STRBP: variants seen among roughly 807,000 people sequenced by gnomAD.
STRBP encodes spermatid perinuclear RNA-binding protein.
In STRBP, 13 loss-of-function variants were observed where a neutral mutation model predicts 80.1. That is an observed-to-expected ratio of 0.16 (90% CI 0.11 to 0.26). The LOEUF is 0.26. Among genes scored for constraint, STRBP ranks in the 10% least tolerant of loss-of-function variants. The pLI, the probability that STRBP is intolerant of heterozygous loss-of-function variation, is 1.00. For missense variants in STRBP, 485 were observed against 815.2 expected (o/e 0.59, Z 4.93); for synonymous variants, 284 against 291.2 (o/e 0.98, Z 0.25).
intron 4 of STRBP, among the ~76,000 whole-genome samples, chr9:123,176,815 A>G (rs954906094): frequency 5.3e-5 from 8 of 152,228 alleles, no homozygotes; most frequent in East Asian, 1.9e-4. Flanking sequence ...AAGCAACCCA[A>G]TGTATTTGAA....
At chr9:123,258,020 T>TA (rs1162606331) in intron 1 of STRBP, among the ~76,000 whole-genome samples, 1 of 151,742 alleles carries the variant, frequency 6.6e-6, no homozygotes, top group Non-Finnish European at 1.5e-5. Context: ...AAAACAGAAA[T>TA]ACAGCAAAAA....
chr9:123,142,595 G>A (rs2036635715), intron 13 of STRBP, among the ~76,000 whole-genome samples: 1 of 152,220 alleles, frequency 6.6e-6, no homozygotes, highest in East Asian at 1.9e-4. Flanking sequence ...CCTTCATCCT[G>A]ATGTTTCCTC....
At chr9:123,215,985 G>A (rs2039884582) in intron 2 of STRBP, among the ~76,000 whole-genome samples, 2 of 152,236 alleles carry the variant, frequency 1.3e-5, no homozygotes, top group South Asian at 4.1e-4. Flanking sequence ...CTGAAAATTA[G>A]ACTCAACCAT....
chr9:123,185,999 T>C (rs1304442179), intron 2 of STRBP, among the ~76,000 whole-genome samples: 2 of 120,220 alleles, frequency 1.7e-5, no homozygotes, highest in Non-Finnish European at 1.6e-5. Context: ...GCCACTACAC[T>C]CCAGCCTGGG....
At chr9:123,226,838 C>A (rs1373075462) in intron 2 of STRBP, among the ~76,000 whole-genome samples, 2 of 152,052 alleles carry the variant, frequency 1.3e-5, no homozygotes, top group African/African-American at 4.8e-5. Flanking sequence ...TAACAGAATA[C>A]CACAGATTTG....
At chr9:123,244,056 TGA>T (rs2040751238) in intron 1 of STRBP, among the ~76,000 whole-genome samples, 1 of 152,188 alleles carries the variant, frequency 6.6e-6, no homozygotes, top group Non-Finnish European at 1.5e-5. Context: ...AAACAAATTG[TGA>T]TATAATCACA....
chr9:123,146,823 G>C, intron 13 of STRBP, 32 bp downstream of exon 13: 1 of 1,538,074 alleles, frequency 6.5e-7, no homozygotes, highest in African/African-American at 1.4e-5. Flanking sequence ...CATAAAATAA[G>C]AAAGCATTGC....
chr9:123,222,664 A>G (rs2040104040), intron 2 of STRBP, among the ~76,000 whole-genome samples: 1 of 152,196 alleles, frequency 6.6e-6, no homozygotes, highest in African/African-American at 2.4e-5. Flanking sequence ...TTGGAAAGGC[A>G]TACTCTTCCG....
Position 123,122,611 on chromosome 9 carries a change from T to C in STRBP, c.*2986A>G. The C allele has an allele frequency of 9.3e-7, 1 of 1,072,886 alleles. No individual in the cohort carries two copies. The highest frequency in any genetic ancestry group is 1.1e-6 in the Non-Finnish European group (1 of 883,364). The allele number at this position is 1,072,886 out of a possible 1,614,324, so 66.5% of individuals were successfully genotyped here. On this transcript the variant is annotated 3_prime_UTR_variant, in exon 19 of 19. Coordinates refer to ENST00000348403, the MANE Select transcript of STRBP (RefSeq NM_018387.5). ...GTCAGCATGAGGTATGTTGGAAATC[T>C]ACTGGACCAATTACCTTGCACAAGA...
At chr9:123,133,072 G>A (rs993882300) in intron 16 of STRBP, 104 bp from the exon 17 acceptor site, 5 of 1,421,940 alleles carry the variant, frequency 3.5e-6, no homozygotes, top group Non-Finnish European at 4.8e-6. Flanking sequence ...TGAGCACGTG[G>A]GTGAGACCAT....
chr9:123,206,777 T>C (rs1403135906), intron 2 of STRBP, among the ~76,000 whole-genome samples: 2 of 152,152 alleles, frequency 1.3e-5, no homozygotes, highest in African/African-American at 4.8e-5. Context: ...TAGCTGGAAT[T>C]ACAGGCACCC....
chr9:123,173,454 T>C lies in STRBP; in HGVS notation c.390+223A>G, dbSNP rs185855435. Among the ~76,000 whole-genome samples the C allele has an allele frequency of 2.6e-5, 4 of 152,300 alleles. No homozygotes were observed. The East Asian group carries it at 7.7e-4, about 29-fold the overall frequency. On this transcript the variant is annotated intron_variant, in intron 5 of 18. Coordinates refer to ENST00000348403, the MANE Select transcript of STRBP (RefSeq NM_018387.5). ...GATACAACGGAAAAGTTTAAGATGG[T>C]ACCTTAATGGCCATCTTAATTTGGT...
chr9:123,217,020 C>T (rs1026793407), intron 2 of STRBP, among the ~76,000 whole-genome samples: 3 of 152,212 alleles, frequency 2.0e-5, no homozygotes, highest in African/African-American at 4.8e-5. Flanking sequence ...CCTGCCTTAT[C>T]TGCTTCTCAA....
intron 1 of STRBP, among the ~76,000 whole-genome samples, chr9:123,254,456 CAAAAAAAAAA>C (rs1205708821): frequency 2.4e-4 from 16 of 65,738 alleles, no homozygotes; most frequent in Admixed American, 1.4e-3. Flanking sequence ...GACTCCGTCT[CAAAAAAAAAA>C]AAAAAAAAAA....
chr9:123,146,573 A>G (rs1245419731), intron 13 of STRBP, among the ~76,000 whole-genome samples: 1 of 148,936 alleles, frequency 6.7e-6, no homozygotes, highest in East Asian at 2.0e-4. Flanking sequence ...TGGGAAATAA[A>G]CCAACATACT....
chr9:123,240,186 C>A (rs1334406200), intron 1 of STRBP, among the ~76,000 whole-genome samples: 1 of 152,190 alleles, frequency 6.6e-6, no homozygotes, highest in Non-Finnish European at 1.5e-5. Flanking sequence ...TCAATGAAAG[C>A]AAGGTCTATA....
At chr9:123,210,386 A>C (rs1324377586) in intron 2 of STRBP, among the ~76,000 whole-genome samples, 1 of 152,114 alleles carries the variant, frequency 6.6e-6, no homozygotes, top group African/African-American at 2.4e-5. Flanking sequence ...AAACATCAAG[A>C]ATACAAAAAG....
At chr9:123,117,605 C>G (rs2035667115), downstream of STRBP, among the ~76,000 whole-genome samples, 1 of 152,222 alleles carries the variant, frequency 6.6e-6, no homozygotes, top group African/African-American at 2.4e-5. Flanking sequence ...CCACTGACCT[C>G]TGCAATCTGC....
chr9:123,203,980 AAAAAAACAAAAC>A (rs1461929211), intron 2 of STRBP, among the ~76,000 whole-genome samples: 1 of 133,218 alleles, frequency 7.5e-6, no homozygotes, highest in African/African-American at 3.5e-5. Context: ...TCAAAAAAAC[AAAAAAACAAAAC>A]AAACAAACAA....
Sources: allele counts gnomAD v4.1 joint callset (sites outside exome capture counted in the v4.1 genomes callset), GRCh38; gene constraint gnomAD v4.1.1; transcripts MANE v1.5; gene names NCBI Gene and HGNC (gene_info 2026-07-23, HGNC 2026-07-21).